The following CADPS2 variants were observed in gnomAD, a reference collection of about 807,000 sequenced individuals.
CADPS2 encodes the protein calcium-dependent secretion activator 2.
A neutral mutation model predicts 172.5 loss-of-function variants in CADPS2; 93 were observed. The observed-to-expected ratio is 0.54, with a 90% CI of 0.46 to 0.64. The LOEUF (loss-of-function observed/expected upper bound fraction) is 0.64, where lower values mean the gene tolerates loss of function less well. Among genes scored for constraint, CADPS2 ranks in the 30% least tolerant of loss-of-function variants. CADPS2 has a pLI of 0.00. For synonymous variants in CADPS2, 546 were observed against 555.2 expected, an observed-to-expected ratio of 0.98 and a Z score of 0.23; for missense variants, 1,420 against 1,565.9, an observed-to-expected ratio of 0.91 and a Z score of 1.57.
chr7:122,679,395 G>A (rs186848670), intron 2 of CADPS2, among the ~76,000 whole-genome samples: 49 of 151,598 alleles, frequency 3.2e-4, no homozygotes, highest in African/African-American at 1.1e-3. Flanking sequence ...CCAGCCTGGC[G>A]AATTCTAGTC....
At chr7:122,773,964 C>T (rs1270531916) in intron 1 of CADPS2, among the ~76,000 whole-genome samples, 1 of 151,840 alleles carries the variant, frequency 6.6e-6, no homozygotes, top group Non-Finnish European at 1.5e-5. Flanking sequence ...AGCTTTCTGT[C>T]TTGCATAAAC....
At chr7:122,528,084 T>C (rs2131242466) in intron 8 of CADPS2, among the ~76,000 whole-genome samples, 1 of 138,924 alleles carries the variant, frequency 7.2e-6, no homozygotes, top group South Asian at 2.4e-4. Flanking sequence ...TTTGTAACTA[T>C]AAAACACAAT....
Position 122,533,054 on chromosome 7 carries a change from C to CA in CADPS2, c.1476-19740dup, listed in dbSNP as rs565684557. Among the ~76,000 whole-genome samples the CA allele has an allele frequency of 4.8e-3, 723 of 152,210 alleles. 7 individuals are homozygous for CA. Among genetic ancestry groups the CA allele is most frequent in the South Asian group, 5.4e-3 (26 of 4,824 alleles). On this transcript the variant is annotated intron_variant, in intron 8 of 29. Coordinates refer to ENST00000449022, the MANE Select transcript of CADPS2 (RefSeq NM_017954.11). The stretch of plus-strand genomic sequence containing the variant: ...CACCCCCATTTTTAGAAAGGCCTAT[C>CA]ACTCTTGCCCTCTAGAGATGTGGGG...
intron 25 of CADPS2, among the ~76,000 whole-genome samples, chr7:122,369,140 C>T (rs1341075135): frequency 1.9e-4 from 17 of 87,972 alleles, no homozygotes; most frequent in African/African-American, 7.4e-4. Flanking sequence ...CCCCCCCCCC[C>T]CCTTTTTTTT....
chr7:122,329,909 G>A (rs2034618010), intron 28 of CADPS2, among the ~76,000 whole-genome samples: 1 of 152,132 alleles, frequency 6.6e-6, no homozygotes, highest in Admixed American at 6.6e-5. Flanking sequence ...TGATGATGAT[G>A]GCAAGGTAAA....
At chr7:122,884,684 A>T (rs545861724) in intron 1 of CADPS2, among the ~76,000 whole-genome samples, 3 of 152,176 alleles carry the variant, frequency 2.0e-5, no homozygotes, top group Non-Finnish European at 2.9e-5. Flanking sequence ...ACCACTTAAA[A>T]TTTTTTTCTA....
chr7:122,702,531 C>T (rs777028409), intron 2 of CADPS2: 1 of 1,613,648 alleles, frequency 6.2e-7, no homozygotes, highest in Admixed American at 1.7e-5. Context: ...AGTGCCACCA[C>T]ACCAGACACC....
chr7:122,471,165 C>T (rs1230710009), intron 14 of CADPS2, among the ~76,000 whole-genome samples: 1 of 151,518 alleles, frequency 6.6e-6, no homozygotes, highest in Non-Finnish European at 1.5e-5. Context: ...TTTCGAGTGG[C>T]TTTACCAGCA....
chr7:122,424,433 C>A, intron 17 of CADPS2: 1 of 510,034 alleles, frequency 2.0e-6, no homozygotes, highest in Non-Finnish European at 2.5e-6. Context: ...GGGCTGAATC[C>A]AAACTGAGCA....
chr7:122,674,125 T>G (rs1170010138), intron 2 of CADPS2, among the ~76,000 whole-genome samples: 1 of 152,054 alleles, frequency 6.6e-6, no homozygotes, highest in Non-Finnish European at 1.5e-5. Context: ...GCTCCAAGTG[T>G]GGGGCCCACT....
At chr7:122,469,295 G>T (rs1231591143) in intron 14 of CADPS2, among the ~76,000 whole-genome samples, 3 of 152,078 alleles carry the variant, frequency 2.0e-5, no homozygotes, top group African/African-American at 7.2e-5. Flanking sequence ...TTTCTGTGTG[G>T]ATGAATAAAA....
chr7:122,740,351 A>G (rs2092397330), intron 1 of CADPS2, among the ~76,000 whole-genome samples: 1 of 152,180 alleles, frequency 6.6e-6, no homozygotes, highest in South Asian at 2.1e-4. Context: ...ACGTCCAACA[A>G]TGGAATATTA....
chr7:122,630,284 T>G (rs548431052), intron 3 of CADPS2, among the ~76,000 whole-genome samples: 463 of 152,108 alleles, frequency 3.0e-3, no homozygotes, highest in Non-Finnish European at 5.5e-3. Context: ...GGTTACATTT[T>G]TAAAAACATC....
chr7:122,586,995 C>T (rs1263174517), intron 6 of CADPS2, among the ~76,000 whole-genome samples: 1 of 151,572 alleles, frequency 6.6e-6, no homozygotes, highest in Non-Finnish European at 1.5e-5. Context: ...CCAAATGCAT[C>T]ACTAATTTTA....
intron 1 of CADPS2, among the ~76,000 whole-genome samples, chr7:122,843,496 C>G (rs560549171): frequency 1.4e-4 from 21 of 152,228 alleles, no homozygotes; most frequent in African/African-American, 5.1e-4. Context: ...ATAGTGAGAT[C>G]ACAACTTAAG....
At chr7:122,559,720 G>A (rs1025222352) in intron 7 of CADPS2, among the ~76,000 whole-genome samples, 13 of 146,344 alleles carry the variant, frequency 8.9e-5, no homozygotes, top group East Asian at 4.1e-4. Flanking sequence ...GCAGTGAGCC[G>A]AGACTGTGCC....
intron 1 of CADPS2, among the ~76,000 whole-genome samples, chr7:122,750,390 G>A (rs75381519): frequency 0.012 from 1,852 of 152,110 alleles, 41 homozygotes; most frequent in African/African-American, 0.043. Flanking sequence ...CAAATATAAT[G>A]GGCAACCTAT....
At chr7:122,423,161 T>TC (rs2048736587) in intron 17 of CADPS2, among the ~76,000 whole-genome samples, 1 of 152,040 alleles carries the variant, frequency 6.6e-6, no homozygotes, top group Non-Finnish European at 1.5e-5. Context: ...TTCTGACCCT[T>TC]CCTCCAGCTC....
chr7:122,654,670 T>C (rs532176602), intron 3 of CADPS2, among the ~76,000 whole-genome samples: 4 of 152,336 alleles, frequency 2.6e-5, no homozygotes, highest in African/African-American at 9.6e-5. Flanking sequence ...AGGGTTCTGA[T>C]AGAGATGTAC....
Sources: gnomAD v4.1 joint callset for allele counts (sites outside exome capture counted in the v4.1 genomes callset) on GRCh38, gnomAD v4.1.1 for gene constraint, MANE v1.5 for transcripts, NCBI Gene and HGNC (gene_info 2026-07-23, HGNC 2026-07-21) for gene names.